Variants in MYO9A observed in about 807,000 individuals in gnomAD.
MYO9A encodes myosin IXA.
MYO9A carries 103 observed loss-of-function variants against 293.3 expected under a neutral mutation model. The observed-to-expected ratio is 0.35, with a 90% CI of 0.30 to 0.41. The LOEUF is 0.41. MYO9A is among the 10% of genes least tolerant of loss of function. MYO9A has a pLI of 1.00. For missense variants in MYO9A, 2,685 were observed against 3,033.0 expected (o/e 0.89, Z 2.69); for synonymous variants, 1,001 against 1,035.7 (o/e 0.97, Z 0.64).
At chr15:72,103,468 CAGCAGA>C (rs138479297) in intron 1 of MYO9A, among the ~76,000 whole-genome samples, 69 of 147,276 alleles carry the variant, frequency 4.7e-4, no homozygotes, top group Middle Eastern at 3.6e-3. Context: ...GAAGAAGCAG[CAGCAGA>C]AGCAGAAGCA....
At chr15:71,947,442 G>A (rs1315511607) in intron 15 of MYO9A, among the ~76,000 whole-genome samples, 1 of 151,902 alleles carries the variant, frequency 6.6e-6, no homozygotes, top group Non-Finnish European at 1.5e-5. Context: ...TTTCTCCTAA[G>A]TACTTCTTTA....
rs560806590 is a variant in MYO9A at position 71,908,457 on chromosome 15, G to A, written c.2686-3451C>T. Among the ~76,000 whole-genome samples the A allele has an allele frequency of 3.9e-5, 6 of 152,236 alleles. No individual in the cohort carries two copies. The South Asian group carries it at 8.3e-4, about 21-fold the overall frequency. On this transcript the variant is annotated intron_variant, in intron 19 of 41. Transcript: ENST00000356056. ...GGATTACAGGCGTGAGCCTGTGCCC[G>A]GCCGATAATATCCATTTCTTAATTG...
chr15:72,067,294 CTAAT>C lies in MYO9A; in HGVS notation c.-71-20664_-71-20661del, dbSNP rs376397855. Among the ~76,000 whole-genome samples, 96 of 151,550 alleles carry C rather than the reference CTAAT, an allele frequency of 6.3e-4. 1 individual carries two copies. The East Asian group carries it at 0.015, about 23-fold the overall frequency. ...TCTGGTTTAAATATTATTCCCAATA[CTAAT>C]TAATTAATTTATTTCATTTTATTTT... On this transcript the variant is annotated intron_variant, in intron 1 of 41. Coordinates refer to ENST00000356056, the MANE Select transcript of MYO9A (RefSeq NM_006901.4).
chr15:71,841,474 T>G (rs1233579010), intron 39 of MYO9A, among the ~76,000 whole-genome samples: 1 of 152,150 alleles, frequency 6.6e-6, no homozygotes, highest in Non-Finnish European at 1.5e-5. Context: ...GATAATACGA[T>G]TTTTCTCCAC....
At chr15:72,026,615 A>G (rs995248977) in intron 4 of MYO9A, among the ~76,000 whole-genome samples, 6 of 151,960 alleles carry the variant, frequency 3.9e-5, no homozygotes, top group Non-Finnish European at 1.5e-5. Context: ...TAAATGAAAT[A>G]GGAAATAGGA....
intron 3 of MYO9A, 93 bp from the exon 4 acceptor site, chr15:72,027,886 T>C (rs999886776): frequency 2.2e-6 from 2 of 909,860 alleles, no homozygotes; most frequent in Admixed American, 2.4e-5. Context: ...TAAAGAATAC[T>C]ATCCAGATCA....
At chr15:71,888,323 C>A (rs2057080005) in intron 26 of MYO9A, 3 of 314,166 alleles carry the variant, frequency 9.5e-6, no homozygotes, top group Admixed American at 9.8e-5. Flanking sequence ...TGAAAATAAA[C>A]AGGATCTACC....
At chr15:71,878,740 A>ATTTTTTTT (rs200866619) in intron 30 of MYO9A, among the ~76,000 whole-genome samples, 2 of 108,622 alleles carry the variant, frequency 1.8e-5, no homozygotes, top group Non-Finnish European at 3.6e-5. Flanking sequence ...GAGATCTGGA[A>ATTTTTTTT]TTTTTTTTTT....
intron 32 of MYO9A, among the ~76,000 whole-genome samples, chr15:71,867,574 C>T (rs556439006): frequency 1.7e-4 from 24 of 143,288 alleles, no homozygotes; most frequent in African/African-American, 5.7e-4. Context: ...AAATGAGTAA[C>T]GAACAAAAAC....
chr15:72,099,036 C>T (rs1457212198), intron 1 of MYO9A, among the ~76,000 whole-genome samples: 1 of 152,104 alleles, frequency 6.6e-6, no homozygotes, highest in Non-Finnish European at 1.5e-5. Context: ...TAGCTCACAC[C>T]TGTAATTCCA....
chr15:71,899,636 A>G lies in MYO9A; in HGVS notation c.3470+51T>C, dbSNP rs368774318. On this transcript the variant is annotated intron_variant, in intron 24 of 41. Coordinates refer to ENST00000356056, the MANE Select transcript of MYO9A (RefSeq NM_006901.4). ...CAAGTGTTAATGCAGAGGTATAAAC[A>G]AAGTACTTGGGAAGAAGAAAAAAAG... The G allele has an allele frequency of 3.1e-5, 46 of 1,489,358 alleles. No individual in the cohort carries two copies. In the Admixed American group the frequency reaches 3.4e-4, roughly 11 times the overall value. The allele number at this position is 1,489,358 out of a possible 1,614,324, so 92.3% of individuals were successfully genotyped here.
intron 15 of MYO9A, among the ~76,000 whole-genome samples, chr15:71,946,337 T>C (rs551095237): frequency 6.6e-6 from 1 of 152,252 alleles, no homozygotes; most frequent in Admixed American, 6.5e-5. Flanking sequence ...GGGGGGAAAA[T>C]TTTAGTTAAG....
chr15:71,976,602 A>C (rs2076153308), intron 12 of MYO9A, among the ~76,000 whole-genome samples: 1 of 152,260 alleles, frequency 6.6e-6, no homozygotes, highest in African/African-American at 2.4e-5. Context: ...GCCTTCCCAA[A>C]TAAACATATA....
intron 18 of MYO9A, among the ~76,000 whole-genome samples, chr15:71,922,283 G>A (rs547350184): frequency 6.6e-6 from 1 of 152,130 alleles, no homozygotes; most frequent in Admixed American, 6.5e-5. Flanking sequence ...CCAGCCTCTG[G>A]CAATCTTTAA....
chr15:71,865,498 T>A (rs1357790985), intron 32 of MYO9A, among the ~76,000 whole-genome samples: 3 of 152,156 alleles, frequency 2.0e-5, no homozygotes, highest in Admixed American at 2.0e-4. Context: ...TGACACATGC[T>A]ACAACACGAA....
rs191117886 is a variant in MYO9A at position 72,083,003 on chromosome 15, A to G, written c.-72+34677T>C. Among the ~76,000 whole-genome samples, 83 of 151,590 alleles carry G rather than the reference A, an allele frequency of 5.5e-4. No homozygotes were observed. The East Asian group carries it at 0.015, about 27-fold the overall frequency. On this transcript the variant is annotated intron_variant, in intron 1 of 41. Transcript: ENST00000356056. ...CAATTTTTTTTGTTGTGTCTCTGCT[A>G]GGTTTTGATATCAGGATGATACTGG...
In MYO9A at chr15:71,854,257, A is replaced by G; in HGVS notation, c.6346+120T>C. 8.4e-6 allele frequency: 7 copies of G among 828,494 alleles called. No homozygotes were observed. In the South Asian group the frequency reaches 2.6e-4, roughly 30 times the overall value. 51.3% of individuals were successfully genotyped at this position (828,494 alleles called of 1,614,324 possible). A position where few individuals can be genotyped will look rare whatever the true frequency, so the allele number is the denominator to read the frequency against. ...AAAAAATGATAACAAAGCATCACAG[A>G]AAAGAATGCATTCTTCTGGCTGCTA... On this transcript the variant is annotated intron_variant, in intron 35 of 41. Coordinates refer to ENST00000356056, the MANE Select transcript of MYO9A (RefSeq NM_006901.4).
chr15:72,051,513 A>T (rs2149791042), intron 1 of MYO9A, among the ~76,000 whole-genome samples: 1 of 152,214 alleles, frequency 6.6e-6, no homozygotes. Context: ...CTGCAGACCC[A>T]GGCATGTCTG....
At chr15:72,092,527 T>C (rs191604147) in intron 1 of MYO9A, among the ~76,000 whole-genome samples, 3 of 152,246 alleles carry the variant, frequency 2.0e-5, no homozygotes, top group Admixed American at 2.0e-4. Flanking sequence ...CAGTAAGCTA[T>C]GACTTCACCA....
Sources: allele counts gnomAD v4.1 joint callset (sites outside exome capture counted in the v4.1 genomes callset), GRCh38; gene constraint gnomAD v4.1.1; transcripts MANE v1.5; gene names NCBI Gene and HGNC (gene_info 2026-07-23, HGNC 2026-07-21).